Variants in LHFPL3 observed in about 807,000 individuals in gnomAD.
LHFPL3 encodes the protein LHFPL tetraspan subfamily member 3.
LHFPL3 carries 5 observed loss-of-function variants against 19.3 expected under a neutral mutation model. The ratio of observed to expected loss-of-function variants is 0.26; its 90% CI spans 0.14 to 0.54. The LOEUF (loss-of-function observed/expected upper bound fraction) is 0.54, where lower values mean the gene tolerates loss of function less well. Ranked by LOEUF, LHFPL3 falls within the 20% of genes least tolerant of loss-of-function variation. The probability of loss-of-function intolerance (pLI) is 0.94; values close to 1 mark genes in which losing one functional copy is unlikely to be tolerated. For synonymous variants in LHFPL3, 133 were observed against 126.2 expected (o/e 1.05, Z -0.36); for missense variants, 249 against 307.4 (o/e 0.81, Z 1.42).
chr7:104,778,442 TTAC>T (rs1794666847), intron 2 of LHFPL3, among the ~76,000 whole-genome samples: 1 of 151,994 alleles, frequency 6.6e-6, no homozygotes, highest in Non-Finnish European at 1.5e-5. Flanking sequence ...CTCCAGAGAC[TTAC>T]CCAAGAGGCG....
intron 2 of LHFPL3, among the ~76,000 whole-genome samples, chr7:104,849,467 G>A (rs936372557): frequency 6.6e-6 from 1 of 152,246 alleles, no homozygotes; most frequent in Non-Finnish European, 1.5e-5. Context: ...GGGTGGCCCT[G>A]CACTGTGTGG....
intron 1 of LHFPL3, among the ~76,000 whole-genome samples, chr7:104,430,341 T>C (rs1791935236): frequency 3.0e-5 from 4 of 131,436 alleles, no homozygotes; most frequent in South Asian, 5.1e-4. Context: ...CTCAGATTAG[T>C]GTTTCACTTG....
chr7:104,771,252 C>A (rs1013678854), intron 2 of LHFPL3, among the ~76,000 whole-genome samples: 1 of 152,156 alleles, frequency 6.6e-6, no homozygotes, highest in African/African-American at 2.4e-5. Context: ...TTGAAATAAT[C>A]TTACCTCACA....
intron 2 of LHFPL3, among the ~76,000 whole-genome samples, chr7:104,741,260 A>G (rs1020478431): frequency 2.0e-5 from 3 of 152,182 alleles, no homozygotes; most frequent in African/African-American, 7.2e-5. Flanking sequence ...AGTCACAGCT[A>G]AGATTTATCA....
intron 1 of LHFPL3, among the ~76,000 whole-genome samples, chr7:104,686,679 A>G (rs778656189): frequency 3.3e-5 from 5 of 152,174 alleles, no homozygotes; most frequent in Admixed American, 6.5e-5. Flanking sequence ...GCTGCCAATC[A>G]CAAGTCCCAA....
chr7:104,719,166 C>T (rs1454888473), intron 1 of LHFPL3, among the ~76,000 whole-genome samples: 1 of 151,920 alleles, frequency 6.6e-6, no homozygotes, highest in Non-Finnish European at 1.5e-5. Context: ...TAAAGCTTTA[C>T]AAAAACTTAA....
chr7:104,342,855 A>G (rs976831895), intron 1 of LHFPL3, among the ~76,000 whole-genome samples: 2 of 152,212 alleles, frequency 1.3e-5, no homozygotes, highest in Non-Finnish European at 2.9e-5. Context: ...TTAATTCAGC[A>G]TGCTAGCATT....
At chr7:104,880,411 CT>C (rs1792025563) in intron 2 of LHFPL3, among the ~76,000 whole-genome samples, 1 of 152,116 alleles carries the variant, frequency 6.6e-6, no homozygotes, top group African/African-American at 2.4e-5. Flanking sequence ...CCAAATAAAT[CT>C]CTTTCTGCAT....
intron 2 of LHFPL3, chr7:104,895,595 G>C (rs2116715049): frequency 6.6e-6 from 1 of 152,544 alleles, no homozygotes; most frequent in Non-Finnish European, 1.5e-5. Flanking sequence ...GGAGCTCTGA[G>C]CCCTTCATTA....
At chr7:104,413,377 C>T (rs1791568105) in intron 1 of LHFPL3, among the ~76,000 whole-genome samples, 1 of 152,194 alleles carries the variant, frequency 6.6e-6, no homozygotes, top group Non-Finnish European at 1.5e-5. Flanking sequence ...TCTGAATCTT[C>T]ACCATCCATC....
intron 1 of LHFPL3, among the ~76,000 whole-genome samples, chr7:104,495,208 G>T (rs1785281569): frequency 6.6e-6 from 1 of 151,984 alleles, no homozygotes; most frequent in African/African-American, 2.4e-5. Flanking sequence ...GGCTTTCACA[G>T]AATCTTTTTT....
chr7:104,614,003 A>T (rs1265303200), intron 1 of LHFPL3, among the ~76,000 whole-genome samples: 1 of 152,120 alleles, frequency 6.6e-6, no homozygotes, highest in African/African-American at 2.4e-5. Context: ...GTCTTTTCTA[A>T]TGATCATATT....
intron 2 of LHFPL3, among the ~76,000 whole-genome samples, chr7:104,833,374 AT>A (rs1272959848): frequency 2.0e-4 from 1 of 5,092 alleles, no homozygotes; most frequent in African/African-American, 6.4e-4. Context: ...ATATATATAT[AT>A]TATATATATA....
chr7:104,377,665 C>G (rs1023866488), intron 1 of LHFPL3, among the ~76,000 whole-genome samples: 5 of 152,184 alleles, frequency 3.3e-5, no homozygotes, highest in Non-Finnish European at 7.3e-5. Flanking sequence ...TAAGTTGACT[C>G]TCACCATTTT....
chr7:104,565,426 T>G (rs1173836441), intron 1 of LHFPL3, among the ~76,000 whole-genome samples: 2 of 152,250 alleles, frequency 1.3e-5, no homozygotes, highest in African/African-American at 4.8e-5. Flanking sequence ...GAATCAGGAC[T>G]AATCTGGTCT....
chr7:104,761,578 A>T (rs762342795), intron 2 of LHFPL3, among the ~76,000 whole-genome samples: 1 of 152,146 alleles, frequency 6.6e-6, no homozygotes, highest in Non-Finnish European at 1.5e-5. Context: ...AGGTTTGGGA[A>T]GGCTAGGGTA....
intron 1 of LHFPL3, among the ~76,000 whole-genome samples, chr7:104,430,129 T>C (rs1791927971): frequency 7.1e-6 from 1 of 141,754 alleles, no homozygotes; most frequent in Non-Finnish European, 1.5e-5. Flanking sequence ...AAAGACGTTC[T>C]TTTAAAAATC....
At chr7:104,427,358 G>C (rs1389348665) in intron 1 of LHFPL3, among the ~76,000 whole-genome samples, 1 of 152,048 alleles carries the variant, frequency 6.6e-6, no homozygotes, top group South Asian at 2.1e-4. Flanking sequence ...AACTATCTAC[G>C]CTAGAGTCTC....
intron 1 of LHFPL3, among the ~76,000 whole-genome samples, chr7:104,575,513 A>G (rs187457465): frequency 4.4e-4 from 65 of 148,312 alleles, no homozygotes; most frequent in African/African-American, 1.2e-3. Context: ...CCTATTTTTA[A>G]TATATGAGAA....
Sources: gnomAD v4.1 joint callset for allele counts (sites outside exome capture counted in the v4.1 genomes callset) on GRCh38, gnomAD v4.1.1 for gene constraint, MANE v1.5 for transcripts, NCBI Gene and HGNC (gene_info 2026-07-23, HGNC 2026-07-21) for gene names.